CNTNAP2: variants seen among roughly 807,000 people sequenced by gnomAD.
CNTNAP2 encodes contactin associated protein 2.
In CNTNAP2, 98 loss-of-function variants were observed where a neutral mutation model predicts 155.2. The ratio of observed to expected loss-of-function variants is 0.63; its 90% CI spans 0.54 to 0.75. CNTNAP2 has a LOEUF of 0.75. Ranked by LOEUF, CNTNAP2 falls within the 30% of genes least tolerant of loss-of-function variation. The pLI, the probability that CNTNAP2 is intolerant of heterozygous loss-of-function variation, is 0.00. For missense variants in CNTNAP2, 1,727 were observed against 1,688.1 expected, an observed-to-expected ratio of 1.02 and a Z score of -0.40; for synonymous variants, 651 against 631.2, an observed-to-expected ratio of 1.03 and a Z score of -0.47.
At chr7:147,220,944 A>G (rs1302950704) in intron 8 of CNTNAP2, among the ~76,000 whole-genome samples, 1 of 151,960 alleles carries the variant, frequency 6.6e-6, no homozygotes, top group East Asian at 1.9e-4. Context: ...CAAACTCCTG[A>G]TCTGTGATCT....
intron 4 of CNTNAP2, among the ~76,000 whole-genome samples, chr7:147,052,433 T>C (rs1443486031): frequency 7.2e-5 from 11 of 152,106 alleles, no homozygotes; most frequent in Admixed American, 7.2e-4. Context: ...AACTGATTAC[T>C]ATTTGAGGAT....
At chr7:146,448,762 G>C (rs988419619) in intron 1 of CNTNAP2, among the ~76,000 whole-genome samples, 9 of 152,008 alleles carry the variant, frequency 5.9e-5, no homozygotes, top group Non-Finnish European at 2.9e-5. Context: ...TTGGAATATA[G>C]AACTATTCTG....
chr7:146,396,510 C>T (rs1312739402), intron 1 of CNTNAP2, among the ~76,000 whole-genome samples: 1 of 151,802 alleles, frequency 6.6e-6, no homozygotes, highest in Admixed American at 6.6e-5. Flanking sequence ...TTAGAGTTTA[C>T]TTGATTTGGC....
At chr7:147,260,427 A>C (rs1804433318) in intron 8 of CNTNAP2, among the ~76,000 whole-genome samples, 1 of 152,204 alleles carries the variant, frequency 6.6e-6, no homozygotes, top group Admixed American at 6.5e-5. Flanking sequence ...TTATGGGGAA[A>C]AATTTTTTTA....
chr7:148,216,485 T>C (rs1795640113), intron 18 of CNTNAP2, among the ~76,000 whole-genome samples: 1 of 152,052 alleles, frequency 6.6e-6, no homozygotes, highest in African/African-American at 2.4e-5. Context: ...GTAGGGCTTA[T>C]AAAGGCTTTC....
At chr7:148,075,063 T>C (rs1234782854) in intron 15 of CNTNAP2, among the ~76,000 whole-genome samples, 1 of 152,232 alleles carries the variant, frequency 6.6e-6, no homozygotes, top group Non-Finnish European at 1.5e-5. Context: ...TTCCCATTTT[T>C]TCATAGCTAA....
rs1163559597 is a variant in CNTNAP2 at position 146,404,124 on chromosome 7, C to CAAAAAAAAA, written c.97+287161_97+287169dup. Among the ~76,000 whole-genome samples the CAAAAAAAAA allele has an allele frequency of 7.1e-3, 518 of 72,652 alleles. 39 individuals carry two copies. The highest frequency in any genetic ancestry group is 0.032 in the African/African-American group (488 of 15,026). 47.7% of individuals were successfully genotyped at this position (72,652 alleles called of 152,430 possible). A position where few individuals can be genotyped will look rare whatever the true frequency, so the allele number is the denominator to read the frequency against. On this transcript the variant is annotated intron_variant, in intron 1 of 23. Coordinates refer to ENST00000361727, the MANE Select transcript of CNTNAP2 (RefSeq NM_014141.6). ...TGGGCGACAGAGCGAGACTCCGTCT[C>CAAAAAAAAA]AAAAAAAAAAAAAAAAAACAAAGAA...
At chr7:146,121,485 C>G (rs1201440290) in intron 1 of CNTNAP2, among the ~76,000 whole-genome samples, 1 of 152,038 alleles carries the variant, frequency 6.6e-6, no homozygotes, top group Non-Finnish European at 1.5e-5. Flanking sequence ...TATGGAGATC[C>G]AACTTGTGCA....
chr7:146,589,053 G>T (rs775377815), intron 1 of CNTNAP2, among the ~76,000 whole-genome samples: 10 of 152,094 alleles, frequency 6.6e-5, no homozygotes, highest in Admixed American at 2.0e-4. Flanking sequence ...GATAGCCACA[G>T]AACATTTCCT....
intron 1 of CNTNAP2, among the ~76,000 whole-genome samples, chr7:146,491,255 A>T (rs1294938730): frequency 6.6e-6 from 1 of 152,048 alleles, no homozygotes; most frequent in Non-Finnish European, 1.5e-5. Flanking sequence ...GGAATCTTGT[A>T]TTGCCCCTTT....
At chr7:147,177,729 C>T (rs1267353291) in intron 8 of CNTNAP2, among the ~76,000 whole-genome samples, 2 of 152,062 alleles carry the variant, frequency 1.3e-5, no homozygotes, top group Admixed American at 6.6e-5. Flanking sequence ...GGATGGATTG[C>T]TTTCTGCTTG....
chr7:147,640,796 A>G (rs1795259636), intron 13 of CNTNAP2, among the ~76,000 whole-genome samples: 2 of 152,170 alleles, frequency 1.3e-5, no homozygotes, highest in African/African-American at 4.8e-5. Context: ...AAGGGATTCC[A>G]ATGAGAGAAA....
At chr7:147,881,130 TA>T (rs1166440734) in intron 13 of CNTNAP2, among the ~76,000 whole-genome samples, 9 of 152,114 alleles carry the variant, frequency 5.9e-5, no homozygotes, top group Non-Finnish European at 1.3e-4. Context: ...TCCATGAATT[TA>T]AAAATGAGAT....
chr7:147,315,600 G>A (rs1795213647), intron 9 of CNTNAP2, among the ~76,000 whole-genome samples: 1 of 149,980 alleles, frequency 6.7e-6, no homozygotes, highest in African/African-American at 2.5e-5. Flanking sequence ...TCCTGCCTCA[G>A]CCTCCTGAGT....
At chr7:147,466,922 AAATAAT>A (rs1215389605) in intron 10 of CNTNAP2, among the ~76,000 whole-genome samples, 5 of 152,090 alleles carry the variant, frequency 3.3e-5, no homozygotes, top group Admixed American at 2.6e-4. Flanking sequence ...TCCATCTCAA[AAATAAT>A]AATAATAATA....
intron 1 of CNTNAP2, among the ~76,000 whole-genome samples, chr7:146,363,250 T>C (rs1261743853): frequency 6.6e-6 from 1 of 152,226 alleles, no homozygotes; most frequent in Non-Finnish European, 1.5e-5. Context: ...GCTAGGATGT[T>C]GCTGAACCAG....
chr7:146,648,189 T>A (rs1799847842), intron 1 of CNTNAP2, among the ~76,000 whole-genome samples: 1 of 152,182 alleles, frequency 6.6e-6, no homozygotes, highest in Non-Finnish European at 1.5e-5. Flanking sequence ...CCTTAATACC[T>A]TTTATAAGGT....
rs538183674 is a variant in CNTNAP2 at position 146,509,124 on chromosome 7, T to G, written c.98-265147T>G. On this transcript the variant is annotated intron_variant, in intron 1 of 23. Transcript: ENST00000361727. ...AGGTGTTCATCATCTGGCCCTCGGG[T>G]ATTCGGATCAAACATAGCCTGCTGC... Among the ~76,000 whole-genome samples, 4 of 152,268 alleles carry G rather than the reference T, an allele frequency of 2.6e-5. No homozygotes were observed. In the South Asian group the frequency reaches 6.2e-4, roughly 24 times the overall value.
intron 18 of CNTNAP2, among the ~76,000 whole-genome samples, chr7:148,198,569 T>G (rs1419473358): frequency 6.6e-6 from 1 of 152,342 alleles, no homozygotes; most frequent in South Asian, 2.1e-4. Context: ...TGTGACCGTA[T>G]GTGTCCCAGC....
Sources: allele counts gnomAD v4.1 joint callset (sites outside exome capture counted in the v4.1 genomes callset), GRCh38; gene constraint gnomAD v4.1.1; transcripts MANE v1.5; gene names NCBI Gene and HGNC (gene_info 2026-07-23, HGNC 2026-07-21).